MOB3B: variants seen among roughly 807,000 people sequenced by gnomAD.
The protein encoded by MOB3B is MOB kinase activator 3B.
In MOB3B, 7 loss-of-function variants were observed where a neutral mutation model predicts 18.7. The ratio of observed to expected loss-of-function variants is 0.37; its 90% CI spans 0.21 to 0.70. The LOEUF (loss-of-function observed/expected upper bound fraction) is 0.70. Among genes scored for constraint, MOB3B ranks in the 30% least tolerant of loss-of-function variants. MOB3B has a pLI of 0.52. For synonymous variants in MOB3B, 111 were observed against 99.9 expected (o/e 1.11, Z -0.66); for missense variants, 253 against 281.3 (o/e 0.90, Z 0.72).
At chr9:27,453,618 G>A (rs556308302) in intron 2 of MOB3B, among the ~76,000 whole-genome samples, 7 of 152,066 alleles carry the variant, frequency 4.6e-5, no homozygotes, top group African/African-American at 1.7e-4. Context: ...ATGACTTCTG[G>A]TCAGTACTCT....
At chr9:27,526,017 C>T (rs1203479581) in intron 1 of MOB3B, 1 of 152,156 alleles carries the variant, frequency 6.6e-6, no homozygotes, top group Non-Finnish European at 1.5e-5. Flanking sequence ...AATCATCTAC[C>T]TTCAAGCAAG....
intron 2 of MOB3B, among the ~76,000 whole-genome samples, chr9:27,445,539 A>G (rs539210631): frequency 1.1e-3 from 163 of 152,336 alleles, no homozygotes; most frequent in African/African-American, 3.8e-3. Context: ...TTTCTCTTCA[A>G]AAACATGGGA....
At chr9:27,514,345 CAAAAAAAA>C (rs34526085) in intron 1 of MOB3B, among the ~76,000 whole-genome samples, 1 of 77,638 alleles carries the variant, frequency 1.3e-5, no homozygotes, top group Non-Finnish European at 2.5e-5. Context: ...ACCACAAGCT[CAAAAAAAA>C]AAAAAAAAAA....
chr9:27,399,989 C>T (rs150789423), intron 2 of MOB3B, among the ~76,000 whole-genome samples: 4 of 152,224 alleles, frequency 2.6e-5, no homozygotes, highest in East Asian at 1.9e-4. Context: ...CTGCTCCTTT[C>T]GATCCCACAG....
intron 2 of MOB3B, among the ~76,000 whole-genome samples, chr9:27,377,135 A>C (rs1821500795): frequency 1.3e-5 from 2 of 152,238 alleles, no homozygotes. Context: ...TATTTTCCAA[A>C]AGGTAGAACT....
At position 27,357,148 on chromosome 9, in the gene MOB3B, G is replaced by GTTT. The variant is rs55829817; in HGVS notation, c.621+1883_621+1885dup. Among the ~76,000 whole-genome samples, 543 of 69,186 alleles carry GTTT rather than the reference G, an allele frequency of 7.8e-3. 20 individuals are homozygous for GTTT. The highest frequency in any genetic ancestry group is 0.027 in the African/African-American group (513 of 19,146). The allele number at this position is 69,186 out of a possible 152,430, so 45.4% of individuals were successfully genotyped here. On this transcript the variant is annotated intron_variant, in intron 3 of 3. Coordinates refer to ENST00000262244, the MANE Select transcript of MOB3B (RefSeq NM_024761.5). ...TATATATATATATATATATATATGT[G>GTTT]TTTTTTTTTTTGCCATATATTCTCA...
chr9:27,508,745 C>T (rs1335282125), intron 1 of MOB3B, among the ~76,000 whole-genome samples: 1 of 152,048 alleles, frequency 6.6e-6, no homozygotes, highest in Non-Finnish European at 1.5e-5. Context: ...CCCCAGACAG[C>T]GATTTGTAGA....
At chr9:27,389,258 T>C (rs1247698700) in intron 2 of MOB3B, among the ~76,000 whole-genome samples, 1 of 152,086 alleles carries the variant, frequency 6.6e-6, no homozygotes, top group Non-Finnish European at 1.5e-5. Flanking sequence ...GGCAGCAATC[T>C]GTGTTTTCAC....
chr9:27,457,634 C>T (rs1331409623), intron 1 of MOB3B, among the ~76,000 whole-genome samples: 2 of 152,204 alleles, frequency 1.3e-5, no homozygotes, highest in Non-Finnish European at 2.9e-5. Flanking sequence ...CTTCCTCCCT[C>T]TTAACCCCAC....
chr9:27,337,058 C>A (rs10757654), intron 3 of MOB3B, among the ~76,000 whole-genome samples: 45,614 of 152,088 alleles, frequency 0.3, 7,199 homozygotes, highest in East Asian at 0.4. Context: ...CTGTGGCCTG[C>A]CGTCAGCCCC....
chr9:27,440,490 T>C (rs1213141447), intron 2 of MOB3B, among the ~76,000 whole-genome samples: 2 of 152,184 alleles, frequency 1.3e-5, no homozygotes, highest in Non-Finnish European at 2.9e-5. Flanking sequence ...AATTCATGAC[T>C]ACTCTGACCT....
chr9:27,345,606 A>G lies in MOB3B; in HGVS notation c.621+13428T>C, dbSNP rs1417969109. ...TCATGCTACTCGCCTGTTAACTGAT[A>G]TTTGTTACCTGCCTGACTCTGTTGA... On this transcript the variant is annotated intron_variant, in intron 3 of 3. Transcript: ENST00000262244. 2.0e-5 allele frequency among the ~76,000 whole-genome samples: 3 copies of G among 152,016 alleles called. No homozygotes were observed. In the East Asian group the frequency reaches 5.8e-4, roughly 29 times the overall value.
chr9:27,460,189 T>G (rs1819260364), intron 1 of MOB3B, among the ~76,000 whole-genome samples: 2 of 152,228 alleles, frequency 1.3e-5, no homozygotes, highest in Admixed American at 1.3e-4. Context: ...ACATGCATAC[T>G]GATGTGACTC....
At chr9:27,488,014 C>A (rs1050024615) in intron 1 of MOB3B, among the ~76,000 whole-genome samples, 1 of 152,186 alleles carries the variant, frequency 6.6e-6, no homozygotes, top group African/African-American at 2.4e-5. Context: ...GCAGGCCAGT[C>A]CCTAGGTCTG....
intron 2 of MOB3B, among the ~76,000 whole-genome samples, chr9:27,395,740 G>T (rs1821788922): frequency 6.6e-6 from 1 of 152,188 alleles, no homozygotes; most frequent in South Asian, 2.1e-4. Context: ...CAGAACGGTA[G>T]CAAGAGCCCA....
At chr9:27,465,072 T>C (rs1287024447) in intron 1 of MOB3B, among the ~76,000 whole-genome samples, 2 of 152,126 alleles carry the variant, frequency 1.3e-5, no homozygotes, top group Non-Finnish European at 2.9e-5. Context: ...CCCAAAGTCT[T>C]AACTCATTTC....
At chr9:27,380,608 C>G (rs971162431) in intron 2 of MOB3B, among the ~76,000 whole-genome samples, 6 of 152,118 alleles carry the variant, frequency 3.9e-5, no homozygotes, top group African/African-American at 1.4e-4. Context: ...ATGCCTTATT[C>G]AACTAACTCT....
At position 27,481,816 on chromosome 9, in the gene MOB3B, C is replaced by T. The variant is rs142870687; in HGVS notation, c.-198-26068G>A. On this transcript the variant is annotated intron_variant, in intron 1 of 3. Transcript: ENST00000262244. Reference sequence around the variant, plus strand: ...CAAGGATTACAGGCGTGAGCCACCGCGCCCAGCCTAAGGAAGGTAGTTCTT... The same window carrying T: ...CAAGGATTACAGGCGTGAGCCACCGTGCCCAGCCTAAGGAAGGTAGTTCTT... 4.7e-3 allele frequency among the ~76,000 whole-genome samples: 713 copies of T among 152,148 alleles called. 5 individuals carry two copies. Among genetic ancestry groups the T allele is most frequent in the African/African-American group, 0.017 (688 of 41,504 alleles).
chr9:27,490,192 T>C (rs1335632946), intron 1 of MOB3B, among the ~76,000 whole-genome samples: 1 of 152,140 alleles, frequency 6.6e-6, no homozygotes, highest in East Asian at 1.9e-4. Context: ...TACAGATGGG[T>C]GAACTAAGGC....
Sources: gnomAD v4.1 joint callset for allele counts (sites outside exome capture counted in the v4.1 genomes callset) on GRCh38, gnomAD v4.1.1 for gene constraint, MANE v1.5 for transcripts, NCBI Gene and HGNC (gene_info 2026-07-23, HGNC 2026-07-21) for gene names.